Variants in JARID2 observed in about 807,000 individuals in gnomAD.
JARID2 encodes jumonji and AT-rich interaction domain containing 2.
Under a neutral mutation model 125.6 loss-of-function variants are expected in JARID2, and 21 were observed. The ratio of observed to expected loss-of-function variants is 0.17; its 90% CI spans 0.12 to 0.24. The LOEUF is 0.24. JARID2 is among the 10% of genes least tolerant of loss of function. The pLI, the probability that JARID2 is intolerant of heterozygous loss-of-function variation, is 1.00. For synonymous variants in JARID2, 736 were observed against 661.6 expected (o/e 1.11, Z -1.73); for missense variants, 1,303 against 1,639.6 (o/e 0.79, Z 3.55).
In JARID2 at chr6:15,264,077, AT is replaced by A. The variant is rs756222229; in HGVS notation, c.45+17495del. 7.9e-5 allele frequency among the ~76,000 whole-genome samples: 12 copies of A among 152,298 alleles called. No individual in the cohort carries two copies. In the South Asian group the frequency reaches 2.5e-3, roughly 32 times the overall value. ...CCTGGCTAATTTCAGGCAATTTTTA[AT>A]TGTTAGAAAAACTGTAAGGCAACAT... On this transcript the variant is annotated intron_variant, in intron 1 of 17. Coordinates refer to ENST00000341776, the MANE Select transcript of JARID2 (RefSeq NM_004973.4).
At chr6:15,409,740 G>A (rs1765799281) in intron 2 of JARID2, among the ~76,000 whole-genome samples, 1 of 152,182 alleles carries the variant, frequency 6.6e-6, no homozygotes, top group Non-Finnish European at 1.5e-5. Context: ...AAGTGGAGTA[G>A]GATTTCTAGT....
At chr6:15,285,235 T>C (rs1378209554) in intron 1 of JARID2, among the ~76,000 whole-genome samples, 1 of 150,760 alleles carries the variant, frequency 6.6e-6, no homozygotes, top group Non-Finnish European at 1.5e-5. Context: ...CTCAGCCTCC[T>C]GAGTAGCTGG....
chr6:15,518,022 G>C (rs980652775), intron 17 of JARID2, among the ~76,000 whole-genome samples: 3 of 152,256 alleles, frequency 2.0e-5, no homozygotes, highest in African/African-American at 7.2e-5. Context: ...GGTCTCACTG[G>C]ATAAGCCTTG....
At chr6:15,454,935 T>TAG (rs1342392955) in intron 4 of JARID2, among the ~76,000 whole-genome samples, 4 of 152,106 alleles carry the variant, frequency 2.6e-5, no homozygotes, top group African/African-American at 9.7e-5. Flanking sequence ...GTGAGGCTGG[T>TAG]AGAGTGTGGT....
intron 1 of JARID2, among the ~76,000 whole-genome samples, chr6:15,369,921 A>G (rs1475251618): frequency 6.6e-6 from 1 of 152,124 alleles, no homozygotes; most frequent in Non-Finnish European, 1.5e-5. Context: ...ACTGTGGAGG[A>G]AGGATGTCTC....
intron 1 of JARID2, among the ~76,000 whole-genome samples, chr6:15,281,657 G>A (rs1191249857): frequency 2.6e-5 from 4 of 152,130 alleles, no homozygotes; most frequent in Non-Finnish European, 5.9e-5. Flanking sequence ...TTTTTCTCAC[G>A]TAACAATATC....
chr6:15,433,648 T>C (rs1767067581), intron 3 of JARID2, among the ~76,000 whole-genome samples: 1 of 152,174 alleles, frequency 6.6e-6, no homozygotes, highest in Middle Eastern at 3.2e-3. Context: ...TTCCTGTGGG[T>C]TGCAATACAT....
In JARID2 at chr6:15,392,039, G is replaced by GGTGTGTGTGTGTGTGTGT. The variant is rs55811028; in HGVS notation, c.181+17809_181+17826dup. Among the ~76,000 whole-genome samples, 242 of 122,792 alleles carry GGTGTGTGTGTGTGTGTGT rather than the reference G, an allele frequency of 2.0e-3. 2 individuals carry two copies. The highest frequency in any genetic ancestry group is 6.8e-3 in the African/African-American group (220 of 32,294). 80.6% of individuals were successfully genotyped at this position (122,792 alleles called of 152,430 possible). On this transcript the variant is annotated intron_variant, in intron 2 of 17. Transcript: ENST00000341776. ...GGCACCAGTGCAGTGATCCCAGAGTGGTGTGTGTGTGTGTGTGTGTGTGTG... is the reference window on the plus strand; with the variant it reads ...GGCACCAGTGCAGTGATCCCAGAGTGGTGTGTGTGTGTGTGTGTGTGTGTGTGTGTGTGTGTGTGTGTG...
chr6:15,515,056 T>TTTG (rs1554148466), intron 16 of JARID2, among the ~76,000 whole-genome samples: 15 of 151,978 alleles, frequency 9.9e-5, no homozygotes, highest in East Asian at 1.9e-4. Context: ...TCTTTTTTTT[T>TTTG]TTTGTTTGTT....
chr6:15,504,375 G>C, intron 8 of JARID2, 125 bp from the exon 9 acceptor site: 1 of 691,682 alleles, frequency 1.4e-6, no homozygotes, highest in Non-Finnish European at 2.6e-6. Context: ...CATTAACTCA[G>C]AATACAAGGT....
rs73363162 is a variant in JARID2 at position 15,390,140 on chromosome 6, G to A, written c.181+15888G>A. Among the ~76,000 whole-genome samples, 1,040 of 152,270 alleles carry A rather than the reference G, an allele frequency of 6.8e-3. 12 individuals are homozygous for A. Among genetic ancestry groups the A allele is most frequent in the African/African-American group, 0.024 (1,009 of 41,530 alleles). On this transcript the variant is annotated intron_variant, in intron 2 of 17. Transcript: ENST00000341776. ...GAACAAGTTTCCACAGTAAGGAGGAGGAACTTGCCTTTGATTTATTCTCAT... is the reference window on the plus strand; with the variant it reads ...GAACAAGTTTCCACAGTAAGGAGGAAGAACTTGCCTTTGATTTATTCTCAT...
At chr6:15,494,914 G>A (rs564264187) in intron 6 of JARID2, among the ~76,000 whole-genome samples, 19 of 152,286 alleles carry the variant, frequency 1.2e-4, no homozygotes, top group East Asian at 3.9e-4. Flanking sequence ...AGGCTCCCCC[G>A]ACCCTGGCAC....
chr6:15,312,691 CCTCT>C (rs1762055070), intron 1 of JARID2, among the ~76,000 whole-genome samples: 1 of 152,190 alleles, frequency 6.6e-6, no homozygotes, highest in South Asian at 2.1e-4. Context: ...TCAGTAGTCT[CCTCT>C]CTTTCTGTCT....
chr6:15,400,252 C>T (rs945139634), intron 2 of JARID2, among the ~76,000 whole-genome samples: 2 of 151,560 alleles, frequency 1.3e-5, no homozygotes, highest in Non-Finnish European at 2.9e-5. Flanking sequence ...GCGGTCACTT[C>T]ATAAGTAATG....
chr6:15,377,797 G>C (rs1764415329), intron 2 of JARID2, among the ~76,000 whole-genome samples: 1 of 151,874 alleles, frequency 6.6e-6, no homozygotes, highest in Admixed American at 6.6e-5. Context: ...CTCCCAAAGT[G>C]CTGGGATTAT....
intron 4 of JARID2, among the ~76,000 whole-genome samples, chr6:15,457,928 A>G (rs1330757527): frequency 2.6e-5 from 4 of 152,162 alleles, no homozygotes; most frequent in African/African-American, 9.7e-5. Context: ...TTCCTATTTA[A>G]TATTGTGACC....
chr6:15,512,977 A>G lies in JARID2; in HGVS notation c.3198A>G (p.Ala1066=). The change falls in exon 15 of 18, where the codon GCA becomes GCG. Residue 1066 remains alanine (A), a synonymous_variant. Coordinates refer to ENST00000341776, the MANE Select transcript of JARID2 (RefSeq NM_004973.4). ...TGGAGAAGTTACTCTACCAGATTGC[A>G]CAAGCAGAAGCAAAAAAAGAAAACG... The part of the protein sequence containing the change: ...FSMEKLLYQI[A]QAEAKKENGP... 6.2e-7 allele frequency: 1 copy of G among 1,613,860 alleles called. No homozygotes were observed. Among genetic ancestry groups the G allele is most frequent in the Non-Finnish European group, 8.5e-7 (1 of 1,179,960 alleles).
intron 3 of JARID2, among the ~76,000 whole-genome samples, chr6:15,415,419 A>T (rs1766105898): frequency 1.4e-5 from 2 of 144,284 alleles, no homozygotes; most frequent in Non-Finnish European, 3.0e-5. Context: ...CACCTCCCAG[A>T]CGGGGCGGCT....
intron 1 of JARID2, among the ~76,000 whole-genome samples, chr6:15,357,550 C>G (rs1424908407): frequency 3.3e-5 from 5 of 151,906 alleles, no homozygotes; most frequent in African/African-American, 1.2e-4. Flanking sequence ...GAGACTGAAG[C>G]TGTTTGTAAA....
Sources: allele counts gnomAD v4.1 joint callset (sites outside exome capture counted in the v4.1 genomes callset), GRCh38; gene constraint gnomAD v4.1.1; transcripts MANE v1.5; gene names NCBI Gene and HGNC (gene_info 2026-07-23, HGNC 2026-07-21).